Variants in LRBA observed in about 807,000 individuals in gnomAD.
LRBA encodes LPS responsive beige-like anchor protein.
A neutral mutation model predicts 330.0 loss-of-function variants in LRBA; 176 were observed. The ratio of observed to expected loss-of-function variants is 0.53; its 90% CI spans 0.47 to 0.60. LRBA has a LOEUF of 0.60. LRBA is among the 20% of genes least tolerant of loss of function. The pLI is 0.00. For synonymous variants in LRBA, 1,230 were observed against 1,193.0 expected, an observed-to-expected ratio of 1.03 and a Z score of -0.64; for missense variants, 3,259 against 3,444.8, an observed-to-expected ratio of 0.95 and a Z score of 1.35.
chr4:150,789,061 G>A (rs1297702077), intron 34 of LRBA, among the ~76,000 whole-genome samples: 2 of 152,124 alleles, frequency 1.3e-5, no homozygotes, highest in African/African-American at 2.4e-5. Context: ...GTGACAGAGT[G>A]AGACTCTGTC....
At chr4:150,488,893 AC>A (rs1247196549) in intron 41 of LRBA, among the ~76,000 whole-genome samples, 1 of 143,950 alleles carries the variant, frequency 6.9e-6, no homozygotes, top group Non-Finnish European at 1.5e-5. Flanking sequence ...TAATATATAC[AC>A]ACACATAAGA....
chr4:150,974,202 T>C (rs148268905), intron 2 of LRBA, among the ~76,000 whole-genome samples: 48 of 152,114 alleles, frequency 3.2e-4, no homozygotes, highest in South Asian at 1.5e-3. Flanking sequence ...AATGAAACCA[T>C]TGAGTTGAGA....
chr4:150,754,451 CAG>C (rs1423393943), intron 35 of LRBA, among the ~76,000 whole-genome samples: 1 of 134,756 alleles, frequency 7.4e-6, no homozygotes, highest in Non-Finnish European at 1.5e-5. Context: ...TTGAAGTAAA[CAG>C]AGATAAAGAC....
At chr4:150,596,935 T>G in intron 38 of LRBA, 1 of 437,904 alleles carries the variant, frequency 2.3e-6, no homozygotes, top group South Asian at 3.6e-5. Flanking sequence ...ATATTAAATA[T>G]GATATATCTC....
chr4:150,287,977 G>A (rs1748343129), intron 53 of LRBA, among the ~76,000 whole-genome samples: 1 of 151,102 alleles, frequency 6.6e-6, no homozygotes, highest in South Asian at 2.1e-4. Context: ...TTAAGCTTCT[G>A]TTAGGATCCA....
At chr4:150,938,612 A>T (rs1397232281) in intron 2 of LRBA, among the ~76,000 whole-genome samples, 1 of 152,172 alleles carries the variant, frequency 6.6e-6, no homozygotes, top group East Asian at 1.9e-4. Flanking sequence ...ATTATTCTTT[A>T]AAGAAAGAAA....
intron 37 of LRBA, among the ~76,000 whole-genome samples, chr4:150,660,681 G>A (rs1253058230): frequency 7.3e-6 from 1 of 137,648 alleles, no homozygotes; most frequent in East Asian, 2.4e-4. Flanking sequence ...TGTCTGTGTA[G>A]AAAGAAGTAG....
At chr4:150,715,956 T>C (rs747564250) in intron 36 of LRBA, among the ~76,000 whole-genome samples, 7 of 152,194 alleles carry the variant, frequency 4.6e-5, no homozygotes, top group Non-Finnish European at 1.0e-4. Context: ...AGACCATCCA[T>C]ACACCCAAGA....
At chr4:150,945,323 T>C (rs1417500147) in intron 2 of LRBA, among the ~76,000 whole-genome samples, 1 of 152,200 alleles carries the variant, frequency 6.6e-6, no homozygotes, top group East Asian at 1.9e-4. Context: ...TATCCAGCAA[T>C]AGAGAGATAC....
chr4:150,455,451 C>T (rs1173378357), intron 44 of LRBA, among the ~76,000 whole-genome samples: 1 of 151,886 alleles, frequency 6.6e-6, no homozygotes, highest in Non-Finnish European at 1.5e-5. Flanking sequence ...ACTATGCAGC[C>T]ATAAAAAATG....
At chr4:150,857,265 A>G (rs1751333734) in intron 22 of LRBA, among the ~76,000 whole-genome samples, 1 of 152,128 alleles carries the variant, frequency 6.6e-6, no homozygotes, top group Non-Finnish European at 1.5e-5. Flanking sequence ...GATCTTTTAT[A>G]AAGACTCTGA....
At chr4:150,826,405 T>C (rs1471186113) in intron 30 of LRBA, among the ~76,000 whole-genome samples, 5 of 152,204 alleles carry the variant, frequency 3.3e-5, no homozygotes, top group African/African-American at 9.7e-5. Context: ...AGGCTAACTC[T>C]ACTGTTTTGT....
At chr4:150,670,609 T>C (rs992678897) in intron 37 of LRBA, among the ~76,000 whole-genome samples, 5 of 152,240 alleles carry the variant, frequency 3.3e-5, no homozygotes, top group African/African-American at 1.2e-4. Flanking sequence ...CATTTTATCA[T>C]TGGTTGTCAC....
intron 47 of LRBA, among the ~76,000 whole-genome samples, chr4:150,395,699 C>T (rs1308185779): frequency 6.6e-6 from 1 of 152,138 alleles, no homozygotes; most frequent in African/African-American, 2.4e-5. Flanking sequence ...ACCTCCCAAG[C>T]CTCATCCCTG....
intron 37 of LRBA, among the ~76,000 whole-genome samples, chr4:150,658,438 A>C (rs1478206402): frequency 6.7e-6 from 1 of 149,928 alleles, no homozygotes; most frequent in Non-Finnish European, 1.5e-5. Flanking sequence ...AGTTATCATA[A>C]TACTTAGCAC....
chr4:150,781,594 T>C (rs1738236563), intron 34 of LRBA, among the ~76,000 whole-genome samples: 1 of 152,216 alleles, frequency 6.6e-6, no homozygotes, highest in African/African-American at 2.4e-5. Flanking sequence ...TTTTAAACCA[T>C]TGTTTGATCT....
chr4:150,587,980 T>A, intron 40 of LRBA, 68 bp downstream of exon 40: 1 of 1,530,482 alleles, frequency 6.5e-7, no homozygotes. Context: ...GATTTACCAA[T>A]CCCAATCCTA....
chr4:150,811,659 C>T (rs951041807), intron 31 of LRBA, among the ~76,000 whole-genome samples: 15 of 152,092 alleles, frequency 9.9e-5, no homozygotes, highest in East Asian at 5.8e-4. Context: ...TGTACCACCA[C>T]GTTCAGCTAA....
intron 31 of LRBA, among the ~76,000 whole-genome samples, chr4:150,813,646 T>A (rs576106274): frequency 6.6e-6 from 1 of 152,254 alleles, no homozygotes; most frequent in Admixed American, 6.5e-5. Context: ...TTATTATCTA[T>A]CTAGTACTAG....
Sources: gnomAD v4.1 joint callset for allele counts (sites outside exome capture counted in the v4.1 genomes callset) on GRCh38, gnomAD v4.1.1 for gene constraint, MANE v1.5 for transcripts, NCBI Gene and HGNC (gene_info 2026-07-23, HGNC 2026-07-21) for gene names.